PKIG: variants seen among roughly 807,000 people sequenced by gnomAD.
PKIG encodes protein kinase (cAMP-dependent, catalytic) inhibitor gamma.
PKIG carries 1 observed loss-of-function variant against 6.8 expected under a neutral mutation model. The ratio of observed to expected loss-of-function variants is 0.15; its 90% CI spans 0.05 to 0.69. The LOEUF is 0.69. PKIG is among the 30% of genes least tolerant of loss of function. The probability of loss-of-function intolerance (pLI) is 0.82; values close to 1 mark genes in which losing one functional copy is unlikely to be tolerated. For missense variants in PKIG, 77 were observed against 104.0 expected (o/e 0.74, Z 1.13); for synonymous variants, 39 against 43.0 (o/e 0.91, Z 0.36).
intron 2 of PKIG, among the ~76,000 whole-genome samples, chr20:44,613,260 G>A (rs1367753592): frequency 6.6e-6 from 1 of 152,142 alleles, no homozygotes; most frequent in East Asian, 1.9e-4. Context: ...CTGCCTCCCG[G>A]GTTCATGCCA....
intron 2 of PKIG, among the ~76,000 whole-genome samples, chr20:44,601,134 A>G (rs1048115783): frequency 4.6e-5 from 7 of 152,192 alleles, no homozygotes; most frequent in Admixed American, 1.3e-4. Context: ...ATGAGTTGGA[A>G]GAGGAGGACA....
intron 1 of PKIG, among the ~76,000 whole-genome samples, chr20:44,549,670 G>GA (rs2064649969): frequency 6.6e-6 from 1 of 151,984 alleles, no homozygotes; most frequent in Non-Finnish European, 1.5e-5. Flanking sequence ...ACGAAAAATG[G>GA]AAAAAAATAG....
chr20:44,594,142 C>T (rs2065056701), intron 2 of PKIG, among the ~76,000 whole-genome samples: 1 of 152,152 alleles, frequency 6.6e-6, no homozygotes, highest in Non-Finnish European at 1.5e-5. Context: ...TTCACTTGAG[C>T]TTTTTTTAGC....
intron 1 of PKIG, among the ~76,000 whole-genome samples, chr20:44,549,564 C>T (rs1049498307): frequency 6.6e-6 from 1 of 152,192 alleles, no homozygotes; most frequent in African/African-American, 2.4e-5. Context: ...GTGGCTCACA[C>T]CTATAATCGC....
At chr20:44,608,945 T>G (rs1433934768) in intron 2 of PKIG, among the ~76,000 whole-genome samples, 1 of 152,208 alleles carries the variant, frequency 6.6e-6, no homozygotes, top group Non-Finnish European at 1.5e-5. Flanking sequence ...GGATACACAC[T>G]GTCAAGTCAC....
intron 2 of PKIG, among the ~76,000 whole-genome samples, chr20:44,605,344 T>C (rs987076471): frequency 4.0e-5 from 6 of 149,408 alleles, no homozygotes; most frequent in African/African-American, 1.5e-4. Context: ...GAGGCGGAGC[T>C]TGCAGTGAGT....
intron 3 of PKIG, among the ~76,000 whole-genome samples, chr20:44,617,908 C>A (rs244080): frequency 0.32 from 47,349 of 149,386 alleles, 8,083 homozygotes; most frequent in African/African-American, 0.46. Context: ...AAAAAAAAAA[C>A]AAACAAACAG....
chr20:44,562,108 C>T (rs2064772121), intron 1 of PKIG, among the ~76,000 whole-genome samples: 1 of 151,650 alleles, frequency 6.6e-6, no homozygotes, highest in Non-Finnish European at 1.5e-5. Flanking sequence ...TAGTGAGACC[C>T]CACCTACCCT....
chr20:44,569,023 G>T (rs2064832839), intron 1 of PKIG, among the ~76,000 whole-genome samples: 5 of 152,240 alleles, frequency 3.3e-5, no homozygotes, highest in Admixed American at 3.3e-4. Flanking sequence ...TTTTAATTAA[G>T]AAACTTTATT....
At chr20:44,547,947 G>A (rs1001831806) in intron 1 of PKIG, among the ~76,000 whole-genome samples, 3 of 152,082 alleles carry the variant, frequency 2.0e-5, no homozygotes, top group Non-Finnish European at 2.9e-5. Context: ...AGAGGCTGAG[G>A]CAGGCGGATC....
intron 1 of PKIG, among the ~76,000 whole-genome samples, chr20:44,546,156 G>C (rs1012338473): frequency 1.3e-5 from 2 of 152,082 alleles, no homozygotes; most frequent in African/African-American, 4.8e-5. Context: ...GGCTGAGGTG[G>C]GAGAATCACC....
chr20:44,614,901 C>G lies in PKIG; in HGVS notation c.151+194C>G, dbSNP rs1282569096. The G allele has an allele frequency of 5.0e-6, 3 of 603,384 alleles. No individual in the cohort carries two copies. Among genetic ancestry groups the G allele is most frequent in the Non-Finnish European group, 8.7e-6 (3 of 346,340 alleles). The allele number at this position is 603,384 out of a possible 1,614,324, so 37.4% of individuals were successfully genotyped here. ...ATGTTTGAGTCTCAGGCCCCAAGGA[C>G]TCCTCTGGACAGGCATCCGGGACTC... On this transcript the variant is annotated intron_variant, in intron 3 of 3. Transcript: ENST00000372886. This position sits in a 1 kb window ranked among gnomAD's most constrained non-coding sequence, Gnocchi z 4.6.
chr20:44,553,328 C>T lies in PKIG; in HGVS notation c.-241+21350C>T, dbSNP rs544269974. On this transcript the variant is annotated intron_variant, in intron 1 of 4. Transcript: ENST00000372887. ...TCACATAAACCCTTGTCTAGACAAA[C>T]CACTTCTGTTGGCTGAGAGGTTAGA... Among the ~76,000 whole-genome samples, 4 of 152,244 alleles carry T rather than the reference C, an allele frequency of 2.6e-5. No individual in the cohort carries two copies. The South Asian group carries it at 6.2e-4, about 24-fold the overall frequency.
At chr20:44,600,553 C>G (rs1334771865) in intron 2 of PKIG, among the ~76,000 whole-genome samples, 3 of 151,904 alleles carry the variant, frequency 2.0e-5, no homozygotes, top group Non-Finnish European at 4.4e-5. Flanking sequence ...CAGGTAGAAA[C>G]AAAAGGACCA....
At chr20:44,577,303 G>A (rs772465650) in intron 1 of PKIG, among the ~76,000 whole-genome samples, 3 of 151,916 alleles carry the variant, frequency 2.0e-5, no homozygotes, top group Non-Finnish European at 4.4e-5. Flanking sequence ...TAATTTTTTT[G>A]TGTTTTTTTT....
At chr20:44,546,763 G>A (rs2057437881) in intron 1 of PKIG, among the ~76,000 whole-genome samples, 1 of 121,956 alleles carries the variant, frequency 8.2e-6, no homozygotes, top group Non-Finnish European at 1.7e-5. Context: ...ATGTTGACCA[G>A]GTTGGTCTCG....
In PKIG at chr20:44,565,346, G is replaced by T. The variant is rs575297267; in HGVS notation, c.-240-17239G>T. Among the ~76,000 whole-genome samples the T allele has an allele frequency of 2.0e-5, 3 of 152,326 alleles. No individual in the cohort carries two copies. The South Asian group carries it at 6.2e-4, about 32-fold the overall frequency. The stretch of plus-strand genomic sequence containing the variant: ...AACTATAATAGAAGTGTTATTGGGG[G>T]CATGTATTGGTCAGGATTCTTAGTA... On this transcript the variant is annotated intron_variant, in intron 1 of 4. Coordinates refer to the PKIG transcript ENST00000372887.
chr20:44,553,619 A>C (rs1038553472), intron 1 of PKIG, among the ~76,000 whole-genome samples: 2 of 152,202 alleles, frequency 1.3e-5, no homozygotes, highest in African/African-American at 2.4e-5. Context: ...ATGAACATTT[A>C]CTGATCATCT....
At chr20:44,560,027 C>G (rs1271478293) in intron 1 of PKIG, among the ~76,000 whole-genome samples, 1 of 146,798 alleles carries the variant, frequency 6.8e-6, no homozygotes, top group Non-Finnish European at 1.5e-5. Flanking sequence ...ACATTTTTTT[C>G]ATGGGCAAAA....
Sources: gnomAD v4.1 joint callset for allele counts (sites outside exome capture counted in the v4.1 genomes callset) on GRCh38, gnomAD v4.1.1 for gene constraint, Gnocchi (gnomAD v3.1) non-coding constraint, MANE v1.5 for transcripts, NCBI Gene and HGNC (gene_info 2026-07-23, HGNC 2026-07-21) for gene names.